Variants in GPD2 observed in about 807,000 individuals in gnomAD.
GPD2 encodes glycerol-3-phosphate dehydrogenase, mitochondrial.
GPD2 carries 54 observed loss-of-function variants against 82.4 expected under a neutral mutation model. That is an observed-to-expected ratio of 0.66 (90% CI 0.53 to 0.82). GPD2 has a LOEUF of 0.82. Ranked by LOEUF, GPD2 falls within the 40% of genes least tolerant of loss-of-function variation. The pLI is 0.00. For synonymous variants in GPD2, 288 were observed against 306.1 expected, an observed-to-expected ratio of 0.94 and a Z score of 0.62; for missense variants, 748 against 896.2, an observed-to-expected ratio of 0.83 and a Z score of 2.11.
intron 6 of GPD2, among the ~76,000 whole-genome samples, chr2:156,535,324 AAG>A (rs143374279): frequency 0.2 from 28,026 of 139,108 alleles, 3,239 homozygotes; most frequent in Middle Eastern, 0.29. Context: ...AGACCTGGGA[AAG>A]AGAGAGAGAG....
chr2:156,475,268 G>A (rs1024596004), intron 1 of GPD2, among the ~76,000 whole-genome samples: 9 of 152,166 alleles, frequency 5.9e-5, no homozygotes, highest in African/African-American at 2.2e-4. Context: ...AATTACAGCA[G>A]GTTAAATTGG....
chr2:156,510,510 C>T (rs1160901601), intron 3 of GPD2, among the ~76,000 whole-genome samples: 1 of 152,190 alleles, frequency 6.6e-6, no homozygotes, highest in African/African-American at 2.4e-5. Context: ...CTTTGACCTT[C>T]TAAGTGCACC....
intron 2 of GPD2, among the ~76,000 whole-genome samples, chr2:156,483,794 CTTTG>C (rs923000421): frequency 6.6e-6 from 1 of 152,112 alleles, no homozygotes; most frequent in Non-Finnish European, 1.5e-5. Context: ...TCAGCAGTTT[CTTTG>C]TTTGAATATA....
intron 2 of GPD2, among the ~76,000 whole-genome samples, chr2:156,487,095 C>A (rs1683973776): frequency 6.6e-6 from 1 of 152,144 alleles, no homozygotes; most frequent in Admixed American, 6.5e-5. Flanking sequence ...CACCTGCGGT[C>A]AGGAGCTTGA....
At chr2:156,456,666 A>T (rs1305252819) in intron 1 of GPD2, among the ~76,000 whole-genome samples, 4 of 152,298 alleles carry the variant, frequency 2.6e-5, no homozygotes, top group African/African-American at 7.2e-5. Context: ...GAATTAAGAT[A>T]ATGCAAATCA....
At position 156,496,190 on chromosome 2, in the gene GPD2, C is replaced by T. The variant is rs776422379; in HGVS notation, c.249C>T (p.Gly83=). The T allele has an allele frequency of 6.8e-6, 11 of 1,611,678 alleles. No homozygotes were observed. The highest frequency in any genetic ancestry group is 7.6e-6 in the Non-Finnish European group (9 of 1,178,044). ...TTGGAGGAGGAGCAACAGGAAGTGG[C>T]TGTGCGCTAGATGCTGTCACCAGAG... ...LVIGGGATGS[G]CALDAVTRGL... Residue 83 remains glycine (G), a synonymous_variant, in exon 3 of 17, where the codon GGC becomes GGT. Transcript: ENST00000438166.
intron 16 of GPD2, among the ~76,000 whole-genome samples, chr2:156,581,427 A>G (rs1688020400): frequency 6.6e-6 from 1 of 152,084 alleles, no homozygotes; most frequent in Non-Finnish European, 1.5e-5. Context: ...TAGCTTTGTC[A>G]GTTGTGTTAG....
intron 9 of GPD2, among the ~76,000 whole-genome samples, chr2:156,566,175 T>C (rs1450524980): frequency 2.0e-5 from 3 of 152,158 alleles, no homozygotes; most frequent in Non-Finnish European, 4.4e-5. Context: ...ACTTGAATTA[T>C]ATCAGTTTAT....
At chr2:156,488,767 G>A (rs1553468853) in intron 2 of GPD2, among the ~76,000 whole-genome samples, 1 of 152,008 alleles carries the variant, frequency 6.6e-6, no homozygotes, top group Non-Finnish European at 1.5e-5. Context: ...GTTCATGTGA[G>A]TCTCTTGACA....
intron 1 of GPD2, among the ~76,000 whole-genome samples, chr2:156,475,337 C>CT (rs769679857): frequency 2.0e-4 from 30 of 150,984 alleles, no homozygotes; most frequent in African/African-American, 5.1e-4. Context: ...AAAGTATACT[C>CT]TTTTTTTTTG....
chr2:156,528,404 T>C (rs1023687373), intron 6 of GPD2, among the ~76,000 whole-genome samples: 1 of 151,378 alleles, frequency 6.6e-6, no homozygotes, highest in African/African-American at 2.4e-5. Flanking sequence ...TTATGTCAAT[T>C]TTTTTCTTTT....
intron 1 of GPD2, among the ~76,000 whole-genome samples, chr2:156,455,864 A>G (rs1396992251): frequency 2.0e-5 from 3 of 152,166 alleles, no homozygotes; most frequent in African/African-American, 7.2e-5. Flanking sequence ...GGTGCCCACA[A>G]ATGTTTGTTG....
the GPD2 span, among the ~76,000 whole-genome samples, chr2:156,409,036 A>G: frequency 6.6e-6 from 1 of 152,170 alleles, no homozygotes. Flanking sequence ...CTGAAGATGA[A>G]GGCCGTGGTT....
intron 11 of GPD2, 113 bp downstream of exon 11, chr2:156,569,651 AT>A (rs1687537063): frequency 4.8e-6 from 4 of 840,240 alleles, no homozygotes; most frequent in Non-Finnish European, 8.3e-6. Context: ...TGCTGAATAC[AT>A]TTCTGCCAGT....
chr2:156,543,159 C>CTAT (rs1257112717), intron 6 of GPD2, among the ~76,000 whole-genome samples: 3 of 152,180 alleles, frequency 2.0e-5, no homozygotes, highest in Non-Finnish European at 4.4e-5. Context: ...TGAAGACATT[C>CTAT]TATTTCCATT....
chr2:156,462,494 G>T (rs976045555), intron 1 of GPD2, among the ~76,000 whole-genome samples: 3 of 148,648 alleles, frequency 2.0e-5, no homozygotes, highest in African/African-American at 5.0e-5. Context: ...TAGAGACGGG[G>T]TTTCTCCATA....
intron 1 of GPD2, among the ~76,000 whole-genome samples, chr2:156,452,414 C>CGCG (rs1227533742): frequency 6.6e-6 from 1 of 152,240 alleles, no homozygotes; most frequent in African/African-American, 2.4e-5. Flanking sequence ...ACCAGTCAGG[C>CGCG]GCGGCGGCGC....
At chr2:156,400,841 A>C in the GPD2 span, among the ~76,000 whole-genome samples, 21 of 152,154 alleles carry the variant, frequency 1.4e-4, no homozygotes, top group Non-Finnish European at 1.3e-4. Flanking sequence ...GGCATCTCCA[A>C]ATCAGCCGAC....
chr2:156,438,927 T>C (rs1207093749), intron 1 of GPD2, among the ~76,000 whole-genome samples: 1 of 152,220 alleles, frequency 6.6e-6, no homozygotes, highest in Admixed American at 6.5e-5. Flanking sequence ...TGGCCAGAAC[T>C]GATGTGATTA....
Sources: allele counts gnomAD v4.1 joint callset (sites outside exome capture counted in the v4.1 genomes callset), GRCh38; gene constraint gnomAD v4.1.1; transcripts MANE v1.5; gene names NCBI Gene and HGNC (gene_info 2026-07-23, HGNC 2026-07-21).